The following C13orf46 variants were observed in gnomAD, a reference collection of about 807,000 sequenced individuals.
The protein encoded by C13orf46 is chromosome 13 open reading frame 46.
At chr13:113,938,854 A>G in the C13orf46 span, among the ~76,000 whole-genome samples, 12 of 151,064 alleles carry the variant, frequency 7.9e-5, 1 homozygote, top group African/African-American at 2.9e-4. Flanking sequence ...GCCTTCACTC[A>G]CTCTCAATCC....
At chr13:113,952,760 GC>G (rs1433012962), downstream of C13orf46, among the ~76,000 whole-genome samples, 1 of 152,228 alleles carries the variant, frequency 6.6e-6, no homozygotes, top group Non-Finnish European at 1.5e-5. Context: ...TCAGGGCTGT[GC>G]ATCTACAGGG....
the C13orf46 span, among the ~76,000 whole-genome samples, chr13:113,948,002 C>T: frequency 6.6e-4 from 100 of 152,378 alleles, no homozygotes; most frequent in Middle Eastern, 3.4e-3. Context: ...CAGCGCCCAT[C>T]GGGGCCATGG....
At chr13:113,937,873 G>C in the C13orf46 span, among the ~76,000 whole-genome samples, 1 of 152,240 alleles carries the variant, frequency 6.6e-6, no homozygotes, top group Admixed American at 6.5e-5. Context: ...GGCAGAGGAA[G>C]TGATCAGCTG....
At chr13:113,932,777 T>G in the C13orf46 span, among the ~76,000 whole-genome samples, 8 of 152,234 alleles carry the variant, frequency 5.3e-5, no homozygotes, top group Non-Finnish European at 1.0e-4. Context: ...TTAAAAAACC[T>G]TTCCCAAACT....
At chr13:113,951,053 T>G (rs1288790215), downstream of C13orf46, among the ~76,000 whole-genome samples, 4 of 152,196 alleles carry the variant, frequency 2.6e-5, no homozygotes, top group African/African-American at 9.6e-5. Flanking sequence ...GCACAGGGTT[T>G]CCCATGGGGG....
At chr13:113,951,722 G>C (rs2052489415), downstream of C13orf46, among the ~76,000 whole-genome samples, 2 of 152,236 alleles carry the variant, frequency 1.3e-5, no homozygotes, top group Non-Finnish European at 2.9e-5. Context: ...GGCGTCGCCA[G>C]GCCATGGCGC....
At chr13:113,968,807 T>C (rs1594253542) in intron 2 of C13orf46, 47 bp from the exon 3 acceptor site, 1 of 152,372 alleles carries the variant, frequency 6.6e-6, no homozygotes, top group Non-Finnish European at 1.5e-5. Context: ...GGCAGATAGC[T>C]GCGGGCAGCT....
intron 1 of C13orf46, among the ~76,000 whole-genome samples, chr13:113,971,052 G>T (rs930224104): frequency 6.6e-6 from 1 of 152,244 alleles, no homozygotes; most frequent in African/African-American, 2.4e-5. Context: ...AAGTCATGTG[G>T]CAGAGGATTC....
chr13:113,952,845 G>A (rs972985678), downstream of C13orf46, among the ~76,000 whole-genome samples: 2 of 152,254 alleles, frequency 1.3e-5, no homozygotes, highest in Non-Finnish European at 2.9e-5. Flanking sequence ...TCAGCCCAAC[G>A]GGCCGGGCAG....
At chr13:113,942,108 C>T in the C13orf46 span, among the ~76,000 whole-genome samples, 1 of 152,256 alleles carries the variant, frequency 6.6e-6, no homozygotes, top group East Asian at 1.9e-4. Context: ...GCATGAGCAA[C>T]AAAACGCACA....
the C13orf46 span, among the ~76,000 whole-genome samples, chr13:113,929,568 G>A: frequency 1.1e-3 from 174 of 152,378 alleles, no homozygotes; most frequent in African/African-American, 4.0e-3. Context: ...AGGCTGGACA[G>A]GGAGGTGCCA....
the C13orf46 span, among the ~76,000 whole-genome samples, chr13:113,944,428 A>T: frequency 6.6e-6 from 1 of 152,198 alleles, no homozygotes; most frequent in Non-Finnish European, 1.5e-5. Flanking sequence ...ACCTGCTCCG[A>T]TGGGGAGAAA....
the C13orf46 span, among the ~76,000 whole-genome samples, chr13:113,935,983 T>C: frequency 6.6e-6 from 1 of 152,150 alleles, no homozygotes; most frequent in Admixed American, 6.5e-5. Context: ...TAGCACTGAG[T>C]TGATGAAAAG....
downstream of C13orf46, among the ~76,000 whole-genome samples, chr13:113,951,154 G>A (rs878877861): frequency 0.3 from 45,240 of 152,148 alleles, 7,586 homozygotes; most frequent in East Asian, 0.45. Flanking sequence ...CATAAGGGAC[G>A]TAGTGACAGC....
chr13:113,945,579 G>GAA, the C13orf46 span, among the ~76,000 whole-genome samples: 20 of 103,626 alleles, frequency 1.9e-4, no homozygotes, highest in South Asian at 5.9e-4. Flanking sequence ...GAAAGAAAGA[G>GAA]AGAGAGAGAG....
At chr13:113,953,407 G>T (rs2052497374), downstream of C13orf46, among the ~76,000 whole-genome samples, 1 of 152,154 alleles carries the variant, frequency 6.6e-6, no homozygotes, top group Admixed American at 6.5e-5. Flanking sequence ...GGTCCCAGGA[G>T]TCAGCCCTTC....
intron 2 of C13orf46, among the ~76,000 whole-genome samples, chr13:113,969,962 G>A (rs937625068): frequency 1.3e-5 from 2 of 152,082 alleles, no homozygotes; most frequent in African/African-American, 4.8e-5. Flanking sequence ...CTGTTCCCAC[G>A]CTGAATTCCT....
chr13:113,968,281 A>G lies in C13orf46; in HGVS notation c.456+186T>C, dbSNP rs1022816396. On this transcript the variant is annotated intron_variant, in intron 4 of 6. Coordinates refer to ENST00000636427, the MANE Select transcript of C13orf46 (RefSeq NM_001365455.2). Reference sequence around the variant, plus strand: ...GGTCAGGCTGCCCTGGGATCGGGTAAAGAGTCTCAGAGCTTGGCCCCAAGC... The same window carrying G: ...GGTCAGGCTGCCCTGGGATCGGGTAGAGAGTCTCAGAGCTTGGCCCCAAGC... 3.3e-5 allele frequency among the ~76,000 whole-genome samples: 5 copies of G among 152,224 alleles called. No homozygotes were observed. In the South Asian group the frequency reaches 1.0e-3, roughly 32 times the overall value.
In C13orf46 at chr13:113,965,810, T is replaced by C. The variant is rs1009755176; in HGVS notation, c.505-816A>G. Among the ~76,000 whole-genome samples, 248 of 147,536 alleles carry C rather than the reference T, an allele frequency of 1.7e-3. 9 individuals are homozygous for C. The South Asian group carries it at 0.045, about 26-fold the overall frequency. On this transcript the variant is annotated intron_variant, in intron 5 of 6. Coordinates refer to ENST00000636427, the MANE Select transcript of C13orf46 (RefSeq NM_001365455.2). ...GTAATTATAATGGTGGTGATGATGGTGAAGGTGATGATGGTGATAATGGTG... is the reference window on the plus strand; with the variant it reads ...GTAATTATAATGGTGGTGATGATGGCGAAGGTGATGATGGTGATAATGGTG...
Sources: allele counts gnomAD v4.1 joint callset (sites outside exome capture counted in the v4.1 genomes callset), GRCh38; gene constraint gnomAD v4.1.1; transcripts MANE v1.5; gene names NCBI Gene and HGNC (gene_info 2026-07-23, HGNC 2026-07-21).